The following KDM4B variants were observed in gnomAD, a reference collection of about 807,000 sequenced individuals.
KDM4B encodes lysine-specific demethylase 4B.
A neutral mutation model predicts 125.2 loss-of-function variants in KDM4B; 32 were observed. That is an observed-to-expected ratio of 0.26 (90% CI 0.19 to 0.34). The LOEUF is 0.34. Ranked by LOEUF, KDM4B falls within the 10% of genes least tolerant of loss-of-function variation. The pLI, the probability that KDM4B is intolerant of heterozygous loss-of-function variation, is 1.00. For synonymous variants in KDM4B, 721 were observed against 677.9 expected (o/e 1.06, Z -0.99); for missense variants, 1,190 against 1,577.7 (o/e 0.75, Z 4.16).
intron 1 of KDM4B, among the ~76,000 whole-genome samples, chr19:4,996,084 A>G (rs1259620107): frequency 6.6e-6 from 1 of 151,708 alleles, no homozygotes; most frequent in African/African-American, 2.4e-5. Context: ...TCCTCCTCCC[A>G]GTTCAAGTGA....
At chr19:5,135,844 G>A (rs1247762247) in intron 15 of KDM4B, among the ~76,000 whole-genome samples, 2 of 152,214 alleles carry the variant, frequency 1.3e-5, no homozygotes, top group African/African-American at 4.8e-5. Context: ...GGCCTCCACC[G>A]CCCCCAGCAT....
chr19:5,108,198 C>T (rs1190928982), intron 9 of KDM4B, among the ~76,000 whole-genome samples: 3 of 152,226 alleles, frequency 2.0e-5, no homozygotes, highest in East Asian at 1.9e-4. Flanking sequence ...ATTGCAAAGC[C>T]GCTCAATACA....
chr19:5,085,955 G>A (rs907883863), intron 9 of KDM4B, among the ~76,000 whole-genome samples: 21 of 152,130 alleles, frequency 1.4e-4, no homozygotes, highest in Admixed American at 1.3e-3. Context: ...GGTGGGGCTC[G>A]GGCCTTGTTC....
intron 9 of KDM4B, among the ~76,000 whole-genome samples, chr19:5,098,335 T>G (rs2038867346): frequency 6.6e-6 from 1 of 152,198 alleles, no homozygotes; most frequent in South Asian, 2.1e-4. Context: ...TTCAGGCATT[T>G]TGCATGGGAT....
At chr19:5,139,542 C>T (rs764297290) in intron 18 of KDM4B, among the ~76,000 whole-genome samples, 19 of 152,240 alleles carry the variant, frequency 1.2e-4, no homozygotes, top group East Asian at 1.9e-4. Context: ...ATCCGCACCC[C>T]CCGGGTGCAG....
chr19:5,095,277 C>T (rs189399581), intron 9 of KDM4B, among the ~76,000 whole-genome samples: 9 of 152,288 alleles, frequency 5.9e-5, no homozygotes, highest in East Asian at 1.9e-4. Flanking sequence ...TCATGATCCC[C>T]GTGGTCAGAT....
At chr19:5,074,758 G>A (rs2038050751) in intron 7 of KDM4B, 1 of 152,470 alleles carries the variant, frequency 6.6e-6, no homozygotes. Context: ...GCCTCCCCGT[G>A]CGCCTGGGCC....
chr19:5,150,480 C>T (rs199957533), intron 22 of KDM4B, 30 bp downstream of exon 22: 21 of 1,511,338 alleles, frequency 1.4e-5, no homozygotes, highest in Middle Eastern at 1.9e-4. Context: ...CTGGTGGCTC[C>T]GGGTGACTCA....
chr19:5,076,483 T>G (rs74926752), intron 7 of KDM4B: 2 of 23,036 alleles, frequency 8.7e-5, no homozygotes, highest in Admixed American at 9.5e-4. Flanking sequence ...TCTCGTTGAC[T>G]GAGTGACGAG....
At chr19:5,065,817 G>A (rs1434208072) in intron 6 of KDM4B, among the ~76,000 whole-genome samples, 2 of 152,186 alleles carry the variant, frequency 1.3e-5, no homozygotes, top group African/African-American at 2.4e-5. Context: ...GCAAAGGTTC[G>A]CCCACCCGTC....
At position 5,039,703 on chromosome 19, in the gene KDM4B, C is replaced by T. The variant is rs995071728; in HGVS notation, c.142-133C>T. On this transcript the variant is annotated intron_variant, in intron 3 of 22. Transcript: ENST00000159111. ...TGATAAGGCAAATGGGGGGGTTCCT[C>T]GTGCCCCTGGGGGGTGTCCCGAGGT... is the stretch of plus-strand genomic sequence containing the variant. 27 of 956,206 alleles carry T rather than the reference C, an allele frequency of 2.8e-5. No homozygotes were observed. In the South Asian group the frequency reaches 3.0e-4, roughly 11 times the overall value. The allele number at this position is 956,206 out of a possible 1,614,324, so 59.2% of individuals were successfully genotyped here.
rs555037718 is a variant in KDM4B at position 5,138,119 on chromosome 19, C to T, written c.2550+49C>T. The T allele has an allele frequency of 2.1e-5, 29 of 1,371,348 alleles. No individual in the cohort carries two copies. In the East Asian group the frequency reaches 3.3e-4, roughly 16 times the overall value. 84.9% of individuals were successfully genotyped at this position (1,371,348 alleles called of 1,614,324 possible). A position where few individuals can be genotyped will look rare whatever the true frequency, so the allele number is the denominator to read the frequency against. On this transcript the variant is annotated intron_variant, in intron 18 of 22. Coordinates refer to ENST00000159111, the MANE Select transcript of KDM4B (RefSeq NM_015015.3). ...ACCCTGCCCGTGCCTCTAGGGCTGCCGGCCATGCTCGGCTCCCCACCTGCG... is the reference window on the plus strand; with the variant it reads ...ACCCTGCCCGTGCCTCTAGGGCTGCTGGCCATGCTCGGCTCCCCACCTGCG...
intron 1 of KDM4B, among the ~76,000 whole-genome samples, chr19:4,990,049 G>C (rs569790994): frequency 6.6e-6 from 1 of 152,264 alleles, no homozygotes; most frequent in Admixed American, 6.5e-5. Context: ...AAGCGCTTTG[G>C]GGGGCTGAGG....
chr19:4,978,905 C>G (rs915388305), intron 1 of KDM4B, among the ~76,000 whole-genome samples: 9 of 152,154 alleles, frequency 5.9e-5, no homozygotes, highest in Admixed American at 2.0e-4. Context: ...TCATGCGTGC[C>G]TGGTCAGGGG....
At chr19:5,130,263 C>G (rs2039518894) in intron 11 of KDM4B, among the ~76,000 whole-genome samples, 1 of 152,166 alleles carries the variant, frequency 6.6e-6, no homozygotes, top group Non-Finnish European at 1.5e-5. Context: ...CTGTCATGTC[C>G]CACATCCACA....
chr19:5,143,899 G>T, intron 18 of KDM4B, 68 bp from the exon 19 acceptor site: 1 of 1,259,144 alleles, frequency 7.9e-7, no homozygotes, highest in South Asian at 1.4e-5. Context: ...GGGAGGGGCC[G>T]GGGACTCCGT....
intron 1 of KDM4B, among the ~76,000 whole-genome samples, chr19:4,989,809 T>C (rs1293404098): frequency 6.6e-6 from 1 of 152,190 alleles, no homozygotes. Flanking sequence ...TGCGCCACTG[T>C]GCCCGGCTAA....
chr19:4,994,021 T>TTG (rs373012753), intron 1 of KDM4B, among the ~76,000 whole-genome samples: 1 of 22,250 alleles, frequency 4.5e-5, no homozygotes, highest in Admixed American at 3.3e-4. Context: ...TTTCAGCCTG[T>TTG]TTTTTTTTTT....
intron 6 of KDM4B, among the ~76,000 whole-genome samples, chr19:5,050,441 AG>A (rs2037183458): frequency 6.6e-6 from 1 of 152,210 alleles, no homozygotes; most frequent in African/African-American, 2.4e-5. Context: ...TCTGTCACCC[AG>A]GCCGGGGGGG....
Sources: allele counts gnomAD v4.1 joint callset (sites outside exome capture counted in the v4.1 genomes callset), GRCh38; gene constraint gnomAD v4.1.1; transcripts MANE v1.5; gene names NCBI Gene and HGNC (gene_info 2026-07-23, HGNC 2026-07-21).